The following OR11H4 variants were observed in gnomAD, a reference collection of about 807,000 sequenced individuals.
OR11H4 encodes olfactory receptor 11H4.
For missense variants in OR11H4, 460 were observed against 371.1 expected, an observed-to-expected ratio of 1.24 and a Z score of -1.97; for synonymous variants, 162 against 142.3, an observed-to-expected ratio of 1.14 and a Z score of -0.98.
In OR11H4 at chr14:20,243,087, C is replaced by A; in HGVS notation, c.266C>A (p.Thr89Asn). The change falls in exon 2 of 2, where the codon ACC (threonine) becomes AAC (asparagine). Residue 89 changes from threonine to asparagine, a missense_variant. By Grantham distance (65) the Thr-to-Asn change is moderately conservative. Coordinates refer to ENST00000641082, the MANE Select transcript of OR11H4 (RefSeq NM_001004479.2). Reference protein sequence around the residue: ...PNMLVNILSKTKAISFSGCFL... With the variant: ...PNMLVNILSKNKAISFSGCFL... Reference sequence around the variant, plus strand: ...ATGCTAGTCAACATTCTCTCCAAGACCAAGGCCATCTCATTTTCTGGGTGC... The same window carrying A: ...ATGCTAGTCAACATTCTCTCCAAGAACAAGGCCATCTCATTTTCTGGGTGC... 1 of 1,614,144 alleles carries A rather than the reference C, an allele frequency of 6.2e-7. No individual in the cohort carries two copies. The highest frequency in any genetic ancestry group is 1.1e-5 in the South Asian group (1 of 91,076).
chr14:20,241,761 C>T (rs943926208), intron 1 of OR11H4, among the ~76,000 whole-genome samples: 18 of 151,936 alleles, frequency 1.2e-4, no homozygotes, highest in Non-Finnish European at 2.1e-4. Context: ...ATTATTTCAG[C>T]AAAAAGGAAT....
chr14:20,242,592 T>C (rs868653313), intron 1 of OR11H4: 2 of 587,152 alleles, frequency 3.4e-6, no homozygotes, highest in Non-Finnish European at 6.0e-6. Flanking sequence ...TCAAAAATTC[T>C]AGCTGCATTG....
rs753756698 is a variant in OR11H4 at position 20,243,181 on chromosome 14, T to C, written c.360T>C (p.Tyr120=). 1.2e-6 allele frequency: 2 copies of C among 1,614,216 alleles called. No individual in the cohort carries two copies. The highest frequency in any genetic ancestry group is 3.3e-5 in the Admixed American group (2 of 60,020). Residue 120 remains tyrosine, a synonymous_variant, in exon 2 of 2, where the codon TAT becomes TAC. Transcript: ENST00000641082. The part of the protein sequence containing the change: ...TECLFLAVMA[Y]DRYLAICHPL... ...GTCTCTTTCTGGCAGTAATGGCTTA[T>C]GATCGATACCTGGCCATCTGCCACC...
Position 20,243,203 on chromosome 14 carries a change from C to A in OR11H4, c.382C>A (p.His128Asn). 6.2e-7 allele frequency: 1 copy of A among 1,614,116 alleles called. No homozygotes were observed. The highest frequency in any genetic ancestry group is 2.2e-5 in the East Asian group (1 of 44,882). The change falls in exon 2 of 2, where the codon CAC (histidine) becomes AAC (asparagine). Residue 128 changes from histidine to asparagine, a missense_variant. Transcript: ENST00000641082. ...TTATGATCGATACCTGGCCATCTGC[C>A]ACCCACTGCAGTACCCTGCCATCAT... is the stretch of plus-strand genomic sequence containing the variant. ...MAYDRYLAIC[H>N]PLQYPAIMTV...
chr14:20,243,754 T>C lies in OR11H4; in HGVS notation c.933T>C (p.Arg311=), dbSNP rs1317327803. ...LRNVLFGMRI[R]QNS is the part of the protein sequence containing the mutation. ...ATGTCCTGTTTGGAATGAGAATTCG[T>C]CAAAATTCGTGAGCCAAAGATGTGC... Residue 311 remains arginine, a synonymous_variant, in exon 2 of 2, where the codon CGT becomes CGC. Coordinates refer to ENST00000641082, the MANE Select transcript of OR11H4 (RefSeq NM_001004479.2). 41 of 1,573,142 alleles carry C rather than the reference T, an allele frequency of 2.6e-5. No homozygotes were observed. Among genetic ancestry groups the C allele is most frequent in the Non-Finnish European group, 3.4e-5 (40 of 1,160,236 alleles).
intron 1 of OR11H4, among the ~76,000 whole-genome samples, chr14:20,239,571 A>G (rs576410244): frequency 4.1e-4 from 62 of 152,110 alleles, no homozygotes; most frequent in Admixed American, 2.0e-3. Flanking sequence ...GCGGGCGCCT[A>G]TAGTCCCAGC....
chr14:20,240,842 C>A (rs1880899933), intron 1 of OR11H4, among the ~76,000 whole-genome samples: 1 of 152,058 alleles, frequency 6.6e-6, no homozygotes, highest in African/African-American at 2.4e-5. Flanking sequence ...TCTCAAATTG[C>A]TGGAACTATA....
chr14:20,239,919 A>G (rs1880879276), intron 1 of OR11H4, among the ~76,000 whole-genome samples: 1 of 152,090 alleles, frequency 6.6e-6, no homozygotes, highest in Non-Finnish European at 1.5e-5. Context: ...AAACTCTGAA[A>G]TTGATTACTC....
rs142588807 is a variant in OR11H4, at chr14:20,243,365, G to A, written c.544G>A (p.Asp182Asn). ...CATTGATCACTTCCTGTGTGACATG[G>A]ACCCATTGATGGCTCTATCCTGTGC... is the stretch of plus-strand genomic sequence containing the variant. ...NIIDHFLCDMDPLMALSCAPA... is the reference protein window; with the variant it reads ...NIIDHFLCDMNPLMALSCAPA... The change falls in exon 2 of 2, where the codon GAC becomes AAC. Residue 182 changes from aspartate (D) to asparagine (N), a missense_variant. Physicochemically the swap from Asp to Asn is conservative, Grantham distance 23. Transcript: ENST00000641082. The A allele has an allele frequency of 1.1e-5, 17 of 1,614,002 alleles. No individual in the cohort carries two copies. Among genetic ancestry groups the A allele is most frequent in the Non-Finnish European group, 1.4e-5 (17 of 1,179,974 alleles).
Position 20,243,680 on chromosome 14 carries a change from C to A in OR11H4, c.859C>A (p.Pro287Thr). ...TTCAGTAACGACTCCTCTTTTTAAT[C>A]CTCTGATCTATACTCTTCGTAATAA... The part of the protein sequence containing the change: ...VYSVTTPLFN[P>T]LIYTLRNKDM... The change falls in exon 2 of 2, where the codon CCT (proline) becomes ACT (threonine). Residue 287 changes from proline to threonine, a missense_variant. Coordinates refer to ENST00000641082, the MANE Select transcript of OR11H4 (RefSeq NM_001004479.2). 6.2e-7 allele frequency: 1 copy of A among 1,613,818 alleles called. No homozygotes were observed. The highest frequency in any genetic ancestry group is 8.5e-7 in the Non-Finnish European group (1 of 1,179,842).
At position 20,243,438 on chromosome 14, in the gene OR11H4, T is replaced by C. The variant is rs770789680; in HGVS notation, c.617T>C (p.Val206Ala). ...ECIFYTQSSLVLFFTSMYILR... is the reference protein window; with the variant it reads ...ECIFYTQSSLALFFTSMYILR... ...ATTTTCTATACTCAGAGCTCCCTTG[T>C]CCTCTTTTTCACTAGTATGTACATT... Residue 206 changes from valine (V) to alanine (A), a missense_variant, in exon 2 of 2, where the codon GTC becomes GCC. Val to Ala is a moderately conservative substitution (Grantham distance 64). Transcript: ENST00000641082. 6.2e-7 allele frequency: 1 copy of C among 1,613,782 alleles called. No individual in the cohort carries two copies. The highest frequency in any genetic ancestry group is 8.5e-7 in the Non-Finnish European group (1 of 1,179,758).
rs1880981880 is a variant in OR11H4, at chr14:20,243,293, A to G, written c.472A>G (p.Ile158Val). The G allele has an allele frequency of 1.9e-6, 3 of 1,614,086 alleles. No individual in the cohort carries two copies. Among genetic ancestry groups the G allele is most frequent in the African/African-American group, 2.7e-5 (2 of 75,006 alleles). The change falls in exon 2 of 2, where the codon ATT becomes GTT. Residue 158 changes from isoleucine (I) to valine (V), a missense_variant. Transcript: ENST00000641082. ...GCTTATTGGATTCCTTGGATACCCA[A>G]TTCCCATTTTCTACATCTCCCAACT... ...CWLIGFLGYP[I>V]PIFYISQLPF...
At chr14:20,242,755 C>A (rs1225768229) in intron 1 of OR11H4, 56 bp from the exon 2 acceptor site, 44 of 1,571,994 alleles carry the variant, frequency 2.8e-5, no homozygotes, top group Non-Finnish European at 3.8e-5. Flanking sequence ...ACGTAGCAAG[C>A]AATTGGATTA....
At chr14:20,241,656 C>T (rs7148414) in intron 1 of OR11H4, among the ~76,000 whole-genome samples, 55,540 of 151,984 alleles carry the variant, frequency 0.37, 10,699 homozygotes, top group South Asian at 0.62. Flanking sequence ...TATAGAGAAA[C>T]AACAGTGAGC....
intron 1 of OR11H4, 45 bp from the exon 2 acceptor site, chr14:20,242,766 C>T: frequency 6.3e-7 from 1 of 1,585,438 alleles, no homozygotes; most frequent in Non-Finnish European, 8.6e-7. Flanking sequence ...AATTGGATTA[C>T]ACTCCAAGAG....
In OR11H4 at chr14:20,243,868, T is replaced by G. The variant is rs1881001448; in HGVS notation, c.*102T>G. The G allele has an allele frequency of 2.5e-6, 3 of 1,217,526 alleles. No individual in the cohort carries two copies. The highest frequency in any genetic ancestry group is 2.5e-5 in the Admixed American group (1 of 39,576). 75.4% of individuals were successfully genotyped at this position (1,217,526 alleles called of 1,614,324 possible). ...GTCCTCAGTCTGAGTAGTTAGAGGT[T>G]GTATATTTTACCTGGAAGTGTGCCC... On this transcript the variant is annotated 3_prime_UTR_variant, in exon 2 of 2. Transcript: ENST00000641082.
intron 1 of OR11H4, among the ~76,000 whole-genome samples, chr14:20,241,310 G>T (rs967879440): frequency 5.3e-5 from 8 of 152,066 alleles, no homozygotes; most frequent in African/African-American, 1.9e-4. Context: ...TATTATCATG[G>T]AGTTGTATCT....
intron 1 of OR11H4, among the ~76,000 whole-genome samples, chr14:20,242,015 A>G (rs1382614678): frequency 6.6e-6 from 1 of 152,028 alleles, no homozygotes; most frequent in Non-Finnish European, 1.5e-5. Flanking sequence ...GAACAAATGT[A>G]CAATCGGGTT....
chr14:20,239,522 G>A (rs185812646), intron 1 of OR11H4, among the ~76,000 whole-genome samples, 191 bp downstream of exon 1: 18 of 152,020 alleles, frequency 1.2e-4, no homozygotes, highest in Middle Eastern at 3.4e-3. Context: ...GCGAAACCCC[G>A]TCTCTACTAA....
Sources: gnomAD v4.1 joint callset for allele counts (sites outside exome capture counted in the v4.1 genomes callset) on GRCh38, gnomAD v4.1.1 for gene constraint, MANE v1.5 for transcripts, NCBI Gene and HGNC (gene_info 2026-07-23, HGNC 2026-07-21) for gene names.